Variants in MAP3K15 observed in about 807,000 individuals in gnomAD.
MAP3K15 encodes mitogen-activated protein kinase kinase kinase 15, also known as MAPK/ERK kinase kinase 15.
A neutral mutation model predicts 99.5 loss-of-function variants in MAP3K15; 124 were observed. The ratio of observed to expected loss-of-function variants is 1.25; its 90% CI spans 1.08 to 1.45. MAP3K15 has a LOEUF of 1.45. Among genes scored for constraint, MAP3K15 ranks in the 40% most tolerant of loss-of-function variants. The pLI is 0.00. For synonymous variants in MAP3K15, 494 were observed against 439.6 expected (o/e 1.12, Z -1.55); for missense variants, 1,242 against 1,079.7 (o/e 1.15, Z -2.11).
intron 4 of MAP3K15, among the ~76,000 whole-genome samples, chrX:19,460,922 G>A (rs2064128990): frequency 9.2e-6 from 1 of 108,234 alleles, no homozygotes; most frequent in South Asian, 4.0e-4. Context: ...CTATAGGCAT[G>A]TGCCACTACA....
At chrX:19,426,129 G>T in intron 8 of MAP3K15, 102 bp downstream of exon 8, 2 of 449,236 alleles carry the variant, frequency 4.5e-6, no homozygotes, top group Non-Finnish European at 7.0e-6. Flanking sequence ...CTCAAAAAAA[G>T]AATAGAAATA....
intron 16 of MAP3K15, among the ~76,000 whole-genome samples, 170 bp downstream of exon 16, chrX:19,394,911 C>T (rs917394925): frequency 1.0e-5 from 1 of 96,057 alleles, no homozygotes; most frequent in Admixed American, 1.3e-4. Context: ...GCAGCCTTGA[C>T]CTCATGGGCT....
At chrX:19,374,749 T>C in intron 19 of MAP3K15, 89 bp from the exon 20 acceptor site, 1 of 862,115 alleles carries the variant, frequency 1.2e-6, no homozygotes, top group Non-Finnish European at 1.7e-6. Flanking sequence ...CCTGTACACC[T>C]GACATCCCAG....
intron 1 of MAP3K15, among the ~76,000 whole-genome samples, chrX:19,494,794 C>T (rs1338785124): frequency 9.3e-6 from 1 of 107,188 alleles, no homozygotes; most frequent in Non-Finnish European, 1.9e-5. Context: ...AAGCGCTAGA[C>T]TTCAGAATAA....
chrX:19,482,661 G>A (rs952416840), intron 3 of MAP3K15, among the ~76,000 whole-genome samples: 1 of 111,672 alleles, frequency 9.0e-6, no homozygotes, highest in Non-Finnish European at 1.9e-5. Flanking sequence ...ACTAGACTGT[G>A]GTACACAACC....
At chrX:19,402,192 G>C (rs1215867936) in intron 13 of MAP3K15, among the ~76,000 whole-genome samples, 1 of 109,505 alleles carries the variant, frequency 9.1e-6, no homozygotes, top group East Asian at 2.8e-4. Context: ...CTACTCAGGA[G>C]ACTGAGGTAG....
intron 1 of MAP3K15, among the ~76,000 whole-genome samples, chrX:19,507,785 TTTC>T (rs1315096015): frequency 1.8e-5 from 2 of 109,380 alleles, no homozygotes; most frequent in Non-Finnish European, 3.8e-5. Flanking sequence ...ACTCTGCACT[TTTC>T]TTCTCAAGTT....
chrX:19,371,270 A>AT (rs1426998042), intron 23 of MAP3K15, 75 bp downstream of exon 23: 1 of 1,026,770 alleles, frequency 9.7e-7, no homozygotes, highest in Admixed American at 2.4e-5. Flanking sequence ...TTAAGAAGAG[A>AT]TGGGGGCTAT....
chrX:19,504,390 C>G (rs967600774), intron 1 of MAP3K15, among the ~76,000 whole-genome samples: 2 of 110,425 alleles, frequency 1.8e-5, no homozygotes, highest in Non-Finnish European at 3.8e-5. Flanking sequence ...TCGCACTGGC[C>G]AGTACTAGTC....
intron 1 of MAP3K15, among the ~76,000 whole-genome samples, chrX:19,503,206 T>G (rs1294781917): frequency 8.9e-6 from 1 of 112,055 alleles, no homozygotes; most frequent in East Asian, 2.8e-4. Flanking sequence ...CTTACCCTTA[T>G]AGATGGCAAT....
intron 9 of MAP3K15, among the ~76,000 whole-genome samples, chrX:19,423,426 C>T (rs1179987114): frequency 2.8e-5 from 3 of 108,209 alleles, no homozygotes; most frequent in Non-Finnish European, 5.7e-5. Flanking sequence ...GATGTTATGA[C>T]ATCTTGACTC....
chrX:19,362,945 GA>G lies in MAP3K15; in HGVS notation c.3567-96del, dbSNP rs1327225702. On this transcript the variant is annotated intron_variant, in intron 25 of 28. Transcript: ENST00000338883. ...ATCTGTTGTGCATACATTAGAGATG[GA>G]AAAAAAATGGAAAATGGGACAAGTC... The G allele has an allele frequency of 5.0e-5, 24 of 481,388 alleles. 1 individual carries two copies. Among genetic ancestry groups the G allele is most frequent in the South Asian group, 3.3e-4 (10 of 30,027 alleles). The allele number at this position is 481,388 out of a possible 1,213,427, so 39.7% of individuals were successfully genotyped here.
At chrX:19,413,293 A>C (rs2063703882) in intron 11 of MAP3K15, 64 bp downstream of exon 11, 3 of 855,172 alleles carry the variant, frequency 3.5e-6, no homozygotes, top group African/African-American at 4.0e-5. Flanking sequence ...TTTCCTTCAA[A>C]TACTACCATC....
At chrX:19,360,939 C>T (rs1053740754) in intron 28 of MAP3K15, 106 bp from the exon 29 acceptor site, 12 of 585,600 alleles carry the variant, frequency 2.0e-5, no homozygotes, top group African/African-American at 2.0e-4. Flanking sequence ...ACATTCTCCT[C>T]ACATATGGAG....
rs141525900 is a variant in MAP3K15, at chrX:19,464,204, G to A, written c.719+9C>T. The A allele has an allele frequency of 2.0e-3, 2,394 of 1,181,627 alleles. 34 individuals carry two copies. The African/African-American group carries it at 0.036, about 18-fold the overall frequency. ...TCTCCAGGGGTTACTGGTGGCAGATGGGAATTACCATGAGGTCACGTGGAT... is the reference window on the plus strand; with the variant it reads ...TCTCCAGGGGTTACTGGTGGCAGATAGGAATTACCATGAGGTCACGTGGAT... On this transcript the variant is annotated intron_variant, in intron 4 of 28. Coordinates refer to ENST00000338883, the MANE Select transcript of MAP3K15 (RefSeq NM_001001671.4).
At chrX:19,432,180 G>C (rs2063888266) in intron 6 of MAP3K15, among the ~76,000 whole-genome samples, 1 of 110,407 alleles carries the variant, frequency 9.1e-6, no homozygotes, top group Non-Finnish European at 1.9e-5. Context: ...AATAAGTGAA[G>C]AGGAAACCTA....
chrX:19,450,235 G>A (rs907556513), intron 6 of MAP3K15, among the ~76,000 whole-genome samples: 2 of 109,304 alleles, frequency 1.8e-5, no homozygotes, highest in African/African-American at 6.5e-5. Flanking sequence ...GGTGGCATGT[G>A]CCTACTTAGG....
chrX:19,388,763 C>G (rs762551896), intron 18 of MAP3K15, among the ~76,000 whole-genome samples: 1 of 112,201 alleles, frequency 8.9e-6, no homozygotes, highest in South Asian at 3.7e-4. Flanking sequence ...CGAGAACAGA[C>G]TTCCTGTCCC....
At chrX:19,373,736 G>C (rs746810528) in intron 20 of MAP3K15, 41 bp from the exon 21 acceptor site, 2 of 1,171,362 alleles carry the variant, frequency 1.7e-6, no homozygotes, top group Non-Finnish European at 2.3e-6. Context: ...GAGACTCAGA[G>C]AGGGACGGGG....
Sources: gnomAD v4.1 joint callset for allele counts (sites outside exome capture counted in the v4.1 genomes callset) on GRCh38, gnomAD v4.1.1 for gene constraint, MANE v1.5 for transcripts, NCBI Gene and HGNC (gene_info 2026-07-23, HGNC 2026-07-21) for gene names.